The following DIAPH3 variants were observed in gnomAD, a reference collection of about 807,000 sequenced individuals.
DIAPH3 encodes the protein diaphanous related formin 3, also known as protein diaphanous homolog 3.
In DIAPH3, 117 loss-of-function variants were observed where a neutral mutation model predicts 144.3. The observed-to-expected ratio is 0.81, with a 90% confidence interval of 0.70 to 0.95. DIAPH3 has a LOEUF of 0.95. Among genes scored for constraint, DIAPH3 ranks in the 40% least tolerant of loss-of-function variants. The probability of loss-of-function intolerance (pLI) is 0.00; values close to 1 mark genes in which losing one functional copy is unlikely to be tolerated. For synonymous variants in DIAPH3, 519 were observed against 488.9 expected, an observed-to-expected ratio of 1.06 and a Z score of -0.81; for missense variants, 1,421 against 1,412.7, an observed-to-expected ratio of 1.01 and a Z score of -0.09.
intron 25 of DIAPH3, among the ~76,000 whole-genome samples, chr13:59,780,313 T>C (rs1301808353): frequency 6.6e-6 from 1 of 152,138 alleles, no homozygotes; most frequent in Non-Finnish European, 1.5e-5. Context: ...GGAATAGCAT[T>C]CTTGGCAAAA....
intron 4 of DIAPH3, among the ~76,000 whole-genome samples, chr13:60,055,594 T>A (rs2056524392): frequency 6.6e-6 from 1 of 151,790 alleles, no homozygotes; most frequent in Admixed American, 6.6e-5. Context: ...ATGGACCACA[T>A]AATGGAGTAG....
intron 23 of DIAPH3, among the ~76,000 whole-genome samples, chr13:59,836,860 T>C (rs2042067540): frequency 6.8e-6 from 1 of 147,686 alleles, no homozygotes; most frequent in Non-Finnish European, 1.5e-5. Flanking sequence ...TAACAAACTT[T>C]AAGTATATTT....
intron 21 of DIAPH3, among the ~76,000 whole-genome samples, chr13:59,870,811 C>G (rs936146204): frequency 2.6e-5 from 4 of 152,018 alleles, no homozygotes; most frequent in Non-Finnish European, 5.9e-5. Context: ...GCTGGGATTA[C>G]AAGCATGTGC....
intron 5 of DIAPH3, among the ~76,000 whole-genome samples, chr13:60,017,360 C>T (rs1192274207): frequency 4.7e-5 from 7 of 150,014 alleles, no homozygotes; most frequent in Non-Finnish European, 7.4e-5. Flanking sequence ...GCCGAGATCG[C>T]GCCATCGTAC....
chr13:60,013,017 T>C, intron 7 of DIAPH3: 1 of 985,382 alleles, frequency 1.0e-6, no homozygotes, highest in Non-Finnish European at 1.2e-6. Context: ...AAACAAAAAC[T>C]GTTGACTCTG....
intron 4 of DIAPH3, among the ~76,000 whole-genome samples, chr13:60,056,231 A>G (rs568752680): frequency 7.3e-5 from 11 of 150,216 alleles, no homozygotes; most frequent in African/African-American, 2.7e-4. Flanking sequence ...TATGTTATAT[A>G]TAATCTGCTA....
intron 1 of DIAPH3, among the ~76,000 whole-genome samples, chr13:60,151,548 A>C (rs1951782622): frequency 6.6e-6 from 1 of 152,186 alleles, no homozygotes; most frequent in Non-Finnish European, 1.5e-5. Flanking sequence ...CATTTAAACA[A>C]ATTCATCATG....
intron 13 of DIAPH3, among the ~76,000 whole-genome samples, chr13:59,981,737 T>C (rs1270518974): frequency 2.0e-5 from 3 of 151,450 alleles, no homozygotes; most frequent in Non-Finnish European, 4.4e-5. Flanking sequence ...AGTTACTGTA[T>C]CCAAATCTTA....
chr13:60,155,376 T>C (rs746271994), intron 1 of DIAPH3, among the ~76,000 whole-genome samples: 5 of 152,194 alleles, frequency 3.3e-5, no homozygotes, highest in Non-Finnish European at 5.9e-5. Context: ...TTAAATGCCA[T>C]ATGTTATCTA....
chr13:59,779,179 C>T (rs2038593204), intron 25 of DIAPH3, among the ~76,000 whole-genome samples: 1 of 152,216 alleles, frequency 6.6e-6, no homozygotes, highest in African/African-American at 2.4e-5. Context: ...GGCCTTCACT[C>T]TCACATGCAT....
chr13:60,133,756 C>T (rs898107939), intron 1 of DIAPH3, among the ~76,000 whole-genome samples: 3 of 152,056 alleles, frequency 2.0e-5, no homozygotes, highest in Admixed American at 6.5e-5. Flanking sequence ...GTCCCAGTGT[C>T]GGGAAAGATA....
At chr13:59,831,333 T>A (rs73196130) in intron 24 of DIAPH3, among the ~76,000 whole-genome samples, 6,509 of 151,856 alleles carry the variant, frequency 0.043, 159 homozygotes, top group African/African-American at 0.052. Flanking sequence ...ACTGTGATGG[T>A]TTATTACAAA....
chr13:59,957,276 C>T lies in DIAPH3; in HGVS notation c.2074+12668G>A, dbSNP rs539648487. Reference sequence around the variant, plus strand: ...TGAATTGTAACTCTCATAATCCCCACGTGTTGTGGGAGGGACCCAGTGAGA... The same window carrying T: ...TGAATTGTAACTCTCATAATCCCCATGTGTTGTGGGAGGGACCCAGTGAGA... On this transcript the variant is annotated intron_variant, in intron 17 of 27. Transcript: ENST00000400324. Among the ~76,000 whole-genome samples the T allele has an allele frequency of 4.3e-4, 66 of 152,238 alleles. No homozygotes were observed. In the South Asian group the frequency reaches 6.6e-3, roughly 15 times the overall value.
chr13:60,068,985 C>T (rs1051484932), intron 4 of DIAPH3, among the ~76,000 whole-genome samples: 6 of 152,020 alleles, frequency 3.9e-5, no homozygotes, highest in African/African-American at 1.4e-4. Context: ...GATTTATATT[C>T]CTTTGGGTAT....
rs1008277624 is a variant in DIAPH3, at chr13:59,666,683, T to G, written c.3483A>C (p.Glu1161Asp). 32 of 1,614,034 alleles carry G rather than the reference T, an allele frequency of 2.0e-5. No individual in the cohort carries two copies. Among genetic ancestry groups the G allele is most frequent in the Non-Finnish European group, 2.6e-5 (31 of 1,180,008 alleles). The change falls in exon 28 of 28, where the codon GAA becomes GAC. Residue 1161 changes from glutamate to aspartate, a missense_variant. By Grantham distance (45) the Glu-to-Asp change is conservative. Transcript: ENST00000400324. ...GTTCCGTTTCCTTTTTTCTGTTGCT[T>G]TCTACATTACACGCTTCCTTCTTCT... ...AAEKKEACNV[E>D]SNRKKETELL...
intron 22 of DIAPH3, among the ~76,000 whole-genome samples, chr13:59,848,209 C>G (rs1214467819): frequency 6.6e-6 from 1 of 152,050 alleles, no homozygotes; most frequent in East Asian, 1.9e-4. Flanking sequence ...AACAGAGCAG[C>G]CAAAGCAATC....
intron 20 of DIAPH3, among the ~76,000 whole-genome samples, chr13:59,884,652 GA>G (rs1185400223): frequency 6.6e-6 from 1 of 151,758 alleles, no homozygotes; most frequent in African/African-American, 2.4e-5. Context: ...AGACACTAGA[GA>G]AAAAATTTTT....
At chr13:59,851,046 T>A (rs1250825349) in intron 22 of DIAPH3, among the ~76,000 whole-genome samples, 4 of 149,996 alleles carry the variant, frequency 2.7e-5, no homozygotes, top group African/African-American at 7.4e-5. Context: ...ATCATTCTGA[T>A]ACCAAAGCCG....
intron 4 of DIAPH3, among the ~76,000 whole-genome samples, chr13:60,067,400 T>C (rs1359984067): frequency 1.3e-5 from 2 of 152,180 alleles, no homozygotes; most frequent in Non-Finnish European, 2.9e-5. Flanking sequence ...CTGGTATATA[T>C]ACATATTGGA....
Sources: gnomAD v4.1 joint callset for allele counts (sites outside exome capture counted in the v4.1 genomes callset) on GRCh38, gnomAD v4.1.1 for gene constraint, MANE v1.5 for transcripts, NCBI Gene and HGNC (gene_info 2026-07-23, HGNC 2026-07-21) for gene names.